Variants in CSMD1 observed in about 807,000 individuals in gnomAD.
CSMD1 encodes the protein CUB and Sushi multiple domains 1.
Under a neutral mutation model 417.5 loss-of-function variants are expected in CSMD1, and 213 were observed. That is an observed-to-expected ratio of 0.51 (90% confidence interval 0.46 to 0.57). The LOEUF (loss-of-function observed/expected upper bound fraction) is 0.57. Among genes scored for constraint, CSMD1 ranks in the 20% least tolerant of loss-of-function variants. The pLI is 0.00. For missense variants in CSMD1, 6,923 were observed against 4,529.7 expected, an observed-to-expected ratio of 1.53 and a Z score of -15.17; for synonymous variants, 2,862 against 1,736.8, an observed-to-expected ratio of 1.65 and a Z score of -16.11.
At chr8:4,763,770 C>G (rs1395822740) in intron 1 of CSMD1, among the ~76,000 whole-genome samples, 1 of 152,144 alleles carries the variant, frequency 6.6e-6, no homozygotes, top group Non-Finnish European at 1.5e-5. Flanking sequence ...GCAGTCGTTT[C>G]TAACTATATG....
chr8:3,661,654 G>A (rs746411400), intron 7 of CSMD1, among the ~76,000 whole-genome samples: 2 of 151,884 alleles, frequency 1.3e-5, no homozygotes, highest in Non-Finnish European at 2.9e-5. Flanking sequence ...CCACCATCTC[G>A]CCCAGCTAAT....
chr8:3,890,742 T>A (rs531787141), intron 5 of CSMD1, among the ~76,000 whole-genome samples: 1 of 152,204 alleles, frequency 6.6e-6, no homozygotes, highest in African/African-American at 2.4e-5. Flanking sequence ...CAAGTTAGCA[T>A]GTGGCTCTGT....
At chr8:3,325,050 G>C (rs190274136) in intron 23 of CSMD1, among the ~76,000 whole-genome samples, 2 of 152,188 alleles carry the variant, frequency 1.3e-5, no homozygotes, top group East Asian at 1.9e-4. Flanking sequence ...TTGTGGAGCA[G>C]AGAAAAATAA....
chr8:4,156,495 T>C (rs971863479), intron 3 of CSMD1, among the ~76,000 whole-genome samples: 1 of 152,180 alleles, frequency 6.6e-6, no homozygotes, highest in African/African-American at 2.4e-5. Flanking sequence ...CAATTCTTTA[T>C]CTTCCTTATG....
intron 3 of CSMD1, among the ~76,000 whole-genome samples, chr8:4,154,253 G>A (rs990713293): frequency 1.3e-5 from 2 of 150,278 alleles, no homozygotes; most frequent in Non-Finnish European, 3.0e-5. Flanking sequence ...AAAGTTTCTG[G>A]CAAACAGTAA....
intron 16 of CSMD1, among the ~76,000 whole-genome samples, chr8:3,397,195 G>C (rs1281782008): frequency 6.6e-6 from 1 of 152,042 alleles, no homozygotes; most frequent in Non-Finnish European, 1.5e-5. Flanking sequence ...TGCCTGACTT[G>C]GCTCTCAGGG....
intron 5 of CSMD1, among the ~76,000 whole-genome samples, chr8:3,810,714 T>C (rs529706144): frequency 1.2e-4 from 18 of 152,266 alleles, no homozygotes; most frequent in African/African-American, 3.1e-4. Flanking sequence ...TTGTAAAACA[T>C]TGAATTTGTT....
chr8:3,460,367 G>C (rs1816418664), intron 12 of CSMD1, among the ~76,000 whole-genome samples: 1 of 152,160 alleles, frequency 6.6e-6, no homozygotes, highest in East Asian at 1.9e-4. Context: ...GGTGGTGAGA[G>C]ATGAAGATGG....
chr8:4,752,576 G>A (rs1303102303), intron 1 of CSMD1, among the ~76,000 whole-genome samples: 1 of 152,130 alleles, frequency 6.6e-6, no homozygotes, highest in Non-Finnish European at 1.5e-5. Context: ...AAAACGAAGT[G>A]AATTAAATGC....
chr8:3,225,018 C>T (rs1442481578), intron 27 of CSMD1, among the ~76,000 whole-genome samples: 3 of 152,110 alleles, frequency 2.0e-5, no homozygotes, highest in African/African-American at 4.8e-5. Flanking sequence ...ATTTCATTCC[C>T]ATTATTGGTC....
chr8:4,812,333 G>A (rs1021757241), intron 1 of CSMD1, among the ~76,000 whole-genome samples: 2 of 152,180 alleles, frequency 1.3e-5, no homozygotes, highest in Non-Finnish European at 2.9e-5. Context: ...ATCAAAGACA[G>A]ATGCTTCCAG....
rs111658879 is a variant in CSMD1 at position 4,003,419 on chromosome 8, C to T, written c.611-5309G>A. Reference sequence around the variant, plus strand: ...ATAAACAAACAAACAAAAAAACAAACAAATAAATAAATAAATAAATAGATA... The same window carrying T: ...ATAAACAAACAAACAAAAAAACAAATAAATAAATAAATAAATAAATAGATA... On this transcript the variant is annotated intron_variant, in intron 4 of 69. Coordinates refer to ENST00000635120, the MANE Select transcript of CSMD1 (RefSeq NM_033225.6). Among the ~76,000 whole-genome samples the T allele has an allele frequency of 1.6e-3, 243 of 150,208 alleles. 4 individuals carry two copies. In the Middle Eastern group the frequency reaches 0.017, roughly 11 times the overall value.
chr8:4,226,087 C>T (rs1003398156), intron 3 of CSMD1, among the ~76,000 whole-genome samples: 1 of 149,894 alleles, frequency 6.7e-6, no homozygotes, highest in Admixed American at 6.6e-5. Flanking sequence ...CACACACACA[C>T]ACACACACAC....
chr8:3,477,897 C>A (rs553862677), intron 11 of CSMD1, among the ~76,000 whole-genome samples: 1 of 152,210 alleles, frequency 6.6e-6, no homozygotes, highest in South Asian at 2.1e-4. Context: ...AGGGCCAGGG[C>A]AGGTGGAAAA....
At chr8:4,396,837 T>C (rs1358376352) in intron 3 of CSMD1, among the ~76,000 whole-genome samples, 1 of 151,960 alleles carries the variant, frequency 6.6e-6, no homozygotes, top group South Asian at 2.1e-4. Context: ...GCTATGAGCA[T>C]GAAAAGGCAT....
At chr8:4,060,088 A>G (rs1346586698) in intron 3 of CSMD1, among the ~76,000 whole-genome samples, 3 of 152,198 alleles carry the variant, frequency 2.0e-5, no homozygotes, top group Non-Finnish European at 4.4e-5. Flanking sequence ...CAAAAAGCCT[A>G]TCCACCATGA....
At chr8:3,592,714 ATGCACAGCTT>A (rs1800907890) in intron 8 of CSMD1, among the ~76,000 whole-genome samples, 1 of 148,344 alleles carries the variant, frequency 6.7e-6, no homozygotes, top group Non-Finnish European at 1.5e-5. Flanking sequence ...GTGTGTGAGT[ATGCACAGCTT>A]TGATTTTTCT....
At chr8:3,472,587 C>CATATAT (rs57031145) in intron 11 of CSMD1, among the ~76,000 whole-genome samples, 1 of 151,462 alleles carries the variant, frequency 6.6e-6, no homozygotes, top group East Asian at 2.0e-4. Context: ...TTTATACTGA[C>CATATAT]ATATATATAT....
intron 1 of CSMD1, among the ~76,000 whole-genome samples, chr8:4,750,163 G>A (rs968635385): frequency 2.6e-5 from 4 of 151,976 alleles, no homozygotes; most frequent in African/African-American, 7.2e-5. Context: ...CCGCCACCAC[G>A]CCCGGCTAAT....
Sources: gnomAD v4.1 joint callset for allele counts (sites outside exome capture counted in the v4.1 genomes callset) on GRCh38, gnomAD v4.1.1 for gene constraint, MANE v1.5 for transcripts, NCBI Gene and HGNC (gene_info 2026-07-23, HGNC 2026-07-21) for gene names.